MOV10: variants seen among roughly 807,000 people sequenced by gnomAD.
MOV10 encodes the protein Mov10 RNA helicase, also known as RNA helicase MOV-10.
In MOV10, 39 loss-of-function variants were observed where a neutral mutation model predicts 108.4. That is an observed-to-expected ratio of 0.36 (90% CI 0.28 to 0.47). The LOEUF (loss-of-function observed/expected upper bound fraction) is 0.47, where lower values mean the gene tolerates loss of function less well. MOV10 is among the 20% of genes least tolerant of loss of function. The pLI is 1.00. For synonymous variants in MOV10, 490 were observed against 523.1 expected, an observed-to-expected ratio of 0.94 and a Z score of 0.86; for missense variants, 952 against 1,297.6, an observed-to-expected ratio of 0.73 and a Z score of 4.09.
chr1:112,675,127 C>T lies in MOV10; in HGVS notation c.137+78C>T. ...GACCCCCGCGCGAGGGCCACCTTTC[C>T]CGCCCCGGGGCGCAGAGGGACGCAG... On this transcript the variant is annotated intron_variant, in intron 2 of 20. Transcript: ENST00000369645. This position sits in a 1 kb window ranked among gnomAD's most constrained non-coding sequence, Gnocchi z 4.7. 1 of 1,536,542 alleles carries T rather than the reference C, an allele frequency of 6.5e-7. No homozygotes were observed.
In MOV10 at chr1:112,693,666, GTTTT is replaced by G. The variant is rs56664526; in HGVS notation, c.1141-334_1141-331del. On this transcript the variant is annotated intron_variant, in intron 7 of 20. Transcript: ENST00000369645. ...AGGCGTGAGCCACCATGCCTGGTCC[GTTTT>G]TTTTTTTTTTTTTTTTTAATTATTT... is the stretch of plus-strand genomic sequence containing the variant. The G allele has an allele frequency of 2.7e-4, 37 of 137,154 alleles. No homozygotes were observed. In the South Asian group the frequency reaches 4.8e-3, roughly 18 times the overall value. 8.5% of individuals were successfully genotyped at this position (137,154 alleles called of 1,614,324 possible). A position where few individuals can be genotyped will look rare whatever the true frequency, so the allele number is the denominator to read the frequency against.
intron 14 of MOV10, 107 bp from the exon 15 acceptor site, chr1:112,697,887 C>CA (rs1218509814): frequency 2.3e-6 from 2 of 863,518 alleles, no homozygotes; most frequent in Non-Finnish European, 3.9e-6. Flanking sequence ...AGGGAGCCAG[C>CA]GGGGTAGCAG....
In MOV10 at chr1:112,692,762, G is replaced by GTC; in HGVS notation, c.973_974insTC (p.Ala325ValfsTer8). ...ACCCCTCCCAACCATCATTTCCAGG[G>GTC]CCCAGCTGGAGACAGCCCTGAAGTG... On this transcript the variant is annotated frameshift_variant and splice_region_variant, in exon 7 of 21. Transcript: ENST00000369645. LOFTEE classifies it high-confidence loss of function. 1 of 1,613,826 alleles carries GTC rather than the reference G, an allele frequency of 6.2e-7. No homozygotes were observed. The highest frequency in any genetic ancestry group is 8.5e-7 in the Non-Finnish European group (1 of 1,179,964).
chr1:112,681,528 T>C (rs1672652339), intron 2 of MOV10, among the ~76,000 whole-genome samples: 1 of 152,030 alleles, frequency 6.6e-6, no homozygotes, highest in South Asian at 2.1e-4. Context: ...CACGTCCTAC[T>C]CTCTCAACTG....
At chr1:112,699,344 T>G in intron 17 of MOV10, 7 of 555,300 alleles carry the variant, frequency 1.3e-5, no homozygotes, top group Non-Finnish European at 1.7e-5. Context: ...GGGGTCCGGG[T>G]TAGGGCCCAG....
At chr1:112,676,603 G>A (rs1031455804) in intron 2 of MOV10, among the ~76,000 whole-genome samples, 5 of 152,160 alleles carry the variant, frequency 3.3e-5, no homozygotes, top group African/African-American at 1.2e-4. Context: ...TCAATATATA[G>A]AAAATTACTA....
chr1:112,690,135 G>A (rs200710470), intron 5 of MOV10, 37 bp downstream of exon 5: 198 of 1,603,370 alleles, frequency 1.2e-4, no homozygotes, highest in African/African-American at 4.4e-4. Flanking sequence ...GGCTGGGCTC[G>A]TATCTCAACC....
chr1:112,688,448 T>G (rs1304937802), intron 2 of MOV10: 2 of 1,003,828 alleles, frequency 2.0e-6, no homozygotes, highest in Admixed American at 1.0e-4. Flanking sequence ...GCCCACACAC[T>G]TGGACATCTG....
Position 112,686,846 on chromosome 1 carries a change from G to A in MOV10, c.138-2089G>A, listed in dbSNP as rs560398665. Reference sequence around the variant, plus strand: ...AATTTCTGCTAATTTTACATTCTAAGTATTAGCGAATCTTGCCGCTCTTCT... The same window carrying A: ...AATTTCTGCTAATTTTACATTCTAAATATTAGCGAATCTTGCCGCTCTTCT... On this transcript the variant is annotated intron_variant, in intron 2 of 20. Coordinates refer to ENST00000369645, the MANE Select transcript of MOV10 (RefSeq NM_001321324.2). 28 of 443,756 alleles carry A rather than the reference G, an allele frequency of 6.3e-5. No individual in the cohort carries two copies. In the East Asian group the frequency reaches 1.9e-3, roughly 30 times the overall value. 27.5% of individuals were successfully genotyped at this position (443,756 alleles called of 1,614,324 possible). A position where few individuals can be genotyped will look rare whatever the true frequency, so the allele number is the denominator to read the frequency against.
chr1:112,675,101 C>G lies in MOV10; in HGVS notation c.137+52C>G. 1 of 1,562,040 alleles carries G rather than the reference C, an allele frequency of 6.4e-7. No individual in the cohort carries two copies. Among genetic ancestry groups the G allele is most frequent in the Non-Finnish European group, 8.6e-7 (1 of 1,158,744 alleles). On this transcript the variant is annotated intron_variant, in intron 2 of 20. Transcript: ENST00000369645. This position sits in a 1 kb window ranked among gnomAD's most constrained non-coding sequence, Gnocchi z 4.7. ...GAATCGCGGGCCCAGCTTGCTGCCA[C>G]GACCCCCGCGCGAGGGCCACCTTTC...
chr1:112,688,153 T>C (rs1299244507), intron 2 of MOV10, among the ~76,000 whole-genome samples: 1 of 152,082 alleles, frequency 6.6e-6, no homozygotes, highest in Non-Finnish European at 1.5e-5. Context: ...GTCTGTGTGC[T>C]CCTCGAGGCA....
intron 2 of MOV10, 136 bp from the exon 3 acceptor site, chr1:112,688,799 C>T: frequency 6.7e-7 from 1 of 1,500,732 alleles, no homozygotes; most frequent in South Asian, 1.3e-5. Flanking sequence ...CTCTCTGTCT[C>T]TGGGCCCCAT....
In MOV10 at chr1:112,689,212, A is replaced by G. The variant is rs374445165; in HGVS notation, c.341+74A>G. 69 of 1,452,752 alleles carry G rather than the reference A, an allele frequency of 4.7e-5. No individual in the cohort carries two copies. The East Asian group carries it at 9.1e-4, about 19-fold the overall frequency. The allele number at this position is 1,452,752 out of a possible 1,614,324, so 90.0% of individuals were successfully genotyped here. ...AGGGAAGGGGGCTATCTGTGTGAGGAAAGAGTGGGTTACACAAGTGGGAAT... is the reference window on the plus strand; with the variant it reads ...AGGGAAGGGGGCTATCTGTGTGAGGGAAGAGTGGGTTACACAAGTGGGAAT... On this transcript the variant is annotated intron_variant, in intron 3 of 20. Transcript: ENST00000369645.
chr1:112,691,731 G>A lies in MOV10; in HGVS notation c.903G>A (p.Arg301=), dbSNP rs201372484. 172 of 1,614,148 alleles carry A rather than the reference G, an allele frequency of 1.1e-4. No homozygotes were observed. The highest frequency in any genetic ancestry group is 4.0e-4 in the Admixed American group (24 of 60,014). ...LGTYYPPPRL[R]QLLPMLLQGT... ...CATACTACCCACCTCCCCGCCTCAG[G>A]CAGCTGCTCCCCATGCTTCTTCAGG... The change falls in exon 6 of 21, where the codon AGG becomes AGA. Residue 301 remains arginine (R), a synonymous_variant. Coordinates refer to ENST00000369645, the MANE Select transcript of MOV10 (RefSeq NM_001321324.2).
At chr1:112,700,077 T>TC in intron 19 of MOV10, 95 bp downstream of exon 19, 1 of 1,583,220 alleles carries the variant, frequency 6.3e-7, no homozygotes, top group Non-Finnish European at 8.6e-7. Context: ...GCTCAGTTAA[T>TC]CCTCAGATGT....
At chr1:112,683,482 T>C (rs1672825708) in intron 2 of MOV10, among the ~76,000 whole-genome samples, 1 of 152,220 alleles carries the variant, frequency 6.6e-6, no homozygotes, top group Non-Finnish European at 1.5e-5. Flanking sequence ...TGTGGCAGAC[T>C]GCAGCCTCAA....
Position 112,674,988 on chromosome 1 carries a change from C to T in MOV10, c.76C>T (p.Leu26=), listed in dbSNP as rs1245648953. The change falls in exon 2 of 21, where the codon CTG becomes TTG. Residue 26 remains leucine (L), a synonymous_variant. Transcript: ENST00000369645. The part of the protein sequence containing the change: ...CFESFLVVRG[L]DMETDRERLR... ...CGAGAGTTTCCTGGTCGTTCGGGGA[C>T]TGGACATGGAGACAGATCGCGAGCG... is the stretch of plus-strand genomic sequence containing the variant. The T allele has an allele frequency of 6.3e-7, 1 of 1,583,442 alleles. No homozygotes were observed. The highest frequency in any genetic ancestry group is 8.6e-7 in the Non-Finnish European group (1 of 1,165,922).
intron 2 of MOV10, among the ~76,000 whole-genome samples, chr1:112,680,708 T>TC (rs1491447053): frequency 3.0e-5 from 2 of 67,550 alleles, no homozygotes; most frequent in Non-Finnish European, 3.2e-5. Flanking sequence ...CATTTATCTC[T>TC]TTTTTTTTTT....
At position 112,689,518 on chromosome 1, in the gene MOV10, G is replaced by A. The variant is rs1191010617; in HGVS notation, c.445G>A (p.Glu149Lys). ...TATCCGCCTGGATTTGAACCGCAAA[G>A]AGGTGCTGACCCTGAGGCTTCGGAA... ...LLIRLDLNRKEVLTLRLRNGG... is the reference protein window; with the variant it reads ...LLIRLDLNRKKVLTLRLRNGG... The change falls in exon 4 of 21, where the codon GAG becomes AAG. Residue 149 changes from glutamate to lysine, a missense_variant. Coordinates refer to ENST00000369645, the MANE Select transcript of MOV10 (RefSeq NM_001321324.2). The A allele has an allele frequency of 1.9e-6, 3 of 1,614,198 alleles. No individual in the cohort carries two copies. The South Asian group carries it at 3.3e-5, about 18-fold the overall frequency.
Sources: gnomAD v4.1 joint callset for allele counts (sites outside exome capture counted in the v4.1 genomes callset) on GRCh38, gnomAD v4.1.1 for gene constraint, Gnocchi (gnomAD v3.1) non-coding constraint, MANE v1.5 for transcripts, NCBI Gene and HGNC (gene_info 2026-07-23, HGNC 2026-07-21) for gene names.